GLIS3: variants seen among roughly 807,000 people sequenced by gnomAD.
GLIS3 encodes the protein GLIS family zinc finger 3, also known as zinc finger protein GLIS3.
Under a neutral mutation model 78.6 loss-of-function variants are expected in GLIS3, and 53 were observed. The observed-to-expected ratio is 0.67, with a 90% CI of 0.54 to 0.85. GLIS3 has a LOEUF of 0.85. GLIS3 is among the 40% of genes least tolerant of loss of function. GLIS3 has a pLI of 0.00. For synonymous variants in GLIS3, 684 were observed against 509.9 expected (o/e 1.34, Z -4.60); for missense variants, 1,703 against 1,231.1 (o/e 1.38, Z -5.74).
the GLIS3 span, among the ~76,000 whole-genome samples, chr9:4,414,049 A>T: frequency 6.6e-6 from 1 of 152,202 alleles, no homozygotes; most frequent in East Asian, 1.9e-4. Context: ...TTCTCGGGAA[A>T]ACACTAAAGA....
At chr9:4,286,975 A>C (rs1432314431) in intron 1 of GLIS3, among the ~76,000 whole-genome samples, 1 of 152,230 alleles carries the variant, frequency 6.6e-6, no homozygotes, top group Non-Finnish European at 1.5e-5. Context: ...AAATGAGACT[A>C]TGGGGACACT....
intron 2 of GLIS3, among the ~76,000 whole-genome samples, chr9:4,143,349 C>A (rs1230823383): frequency 6.6e-6 from 1 of 151,776 alleles, no homozygotes; most frequent in African/African-American, 2.4e-5. Flanking sequence ...GGCAGATCAC[C>A]CGAGGTCAGG....
intron 4 of GLIS3, among the ~76,000 whole-genome samples, chr9:4,013,541 T>C (rs1464187574): frequency 1.3e-5 from 2 of 152,222 alleles, no homozygotes; most frequent in Non-Finnish European, 2.9e-5. Flanking sequence ...TATACATTTA[T>C]AGCCTGCATA....
chr9:4,175,159 C>T (rs1242272805), intron 2 of GLIS3, among the ~76,000 whole-genome samples: 1 of 152,200 alleles, frequency 6.6e-6, no homozygotes, highest in Admixed American at 6.6e-5. Flanking sequence ...TTCTCCCTTG[C>T]TAACTGGACC....
At chr9:4,343,966 C>T (rs550293830) in intron 2 of GLIS3, among the ~76,000 whole-genome samples, 3 of 152,290 alleles carry the variant, frequency 2.0e-5, no homozygotes, top group South Asian at 2.1e-4. Context: ...CTATTAGGTA[C>T]TGTGCTTATT....
At chr9:4,241,907 C>A (rs1823356313) in intron 2 of GLIS3, among the ~76,000 whole-genome samples, 2 of 152,168 alleles carry the variant, frequency 1.3e-5, no homozygotes, top group Admixed American at 6.5e-5. Context: ...TGTTCTCAAG[C>A]TCCTGGCCTC....
the GLIS3 span, among the ~76,000 whole-genome samples, chr9:4,431,055 T>C: frequency 6.6e-6 from 1 of 152,178 alleles, no homozygotes; most frequent in Non-Finnish European, 1.5e-5. Context: ...CCCAACCAAG[T>C]ATATGGATCA....
the GLIS3 span, among the ~76,000 whole-genome samples, chr9:4,475,919 A>AT: frequency 3.3e-5 from 5 of 151,956 alleles, no homozygotes; most frequent in Non-Finnish European, 1.5e-5. Flanking sequence ...TGTCTGTTTT[A>AT]TTTTTTTGAA....
At chr9:4,116,886 T>C (rs1831686408) in intron 4 of GLIS3, among the ~76,000 whole-genome samples, 1 of 152,238 alleles carries the variant, frequency 6.6e-6, no homozygotes, top group Non-Finnish European at 1.5e-5. Flanking sequence ...GTGAGCTGTC[T>C]GAGATTGTGC....
intron 3 of GLIS3, among the ~76,000 whole-genome samples, chr9:4,123,300 G>A (rs940169218): frequency 3.3e-5 from 5 of 152,032 alleles, no homozygotes; most frequent in African/African-American, 1.2e-4. Flanking sequence ...TAGAAAACAG[G>A]CACTCTCTTG....
chr9:4,319,402 C>G (rs557672208), intron 2 of GLIS3, among the ~76,000 whole-genome samples: 1 of 152,288 alleles, frequency 6.6e-6, no homozygotes, highest in South Asian at 2.1e-4. Flanking sequence ...GGTGAAGGTA[C>G]ATGGAAGCTC....
intron 4 of GLIS3, among the ~76,000 whole-genome samples, chr9:3,967,140 A>G (rs1047238317): frequency 6.6e-6 from 1 of 151,664 alleles, no homozygotes; most frequent in Non-Finnish European, 1.5e-5. Context: ...TCTATCTGCC[A>G]TACACCTGGC....
chr9:4,298,936 C>T (rs183597094), intron 1 of GLIS3, among the ~76,000 whole-genome samples: 52 of 152,308 alleles, frequency 3.4e-4, no homozygotes, highest in African/African-American at 1.2e-3. Context: ...AAGACAACTA[C>T]AGCCCCGCGT....
At chr9:3,874,737 C>T (rs536456240) in intron 8 of GLIS3, among the ~76,000 whole-genome samples, 4 of 152,322 alleles carry the variant, frequency 2.6e-5, no homozygotes, top group South Asian at 4.1e-4. Context: ...GGAAAACCCC[C>T]ACACAGTTGG....
At chr9:4,037,840 A>T (rs17703916) in intron 4 of GLIS3, among the ~76,000 whole-genome samples, 4,045 of 152,216 alleles carry the variant, frequency 0.027, 101 homozygotes, top group Non-Finnish European at 0.036. Context: ...CATTTTATTT[A>T]ATGAACTATT....
At chr9:4,382,359 T>TA in the GLIS3 span, among the ~76,000 whole-genome samples, 3 of 151,854 alleles carry the variant, frequency 2.0e-5, no homozygotes, top group Non-Finnish European at 4.4e-5. Flanking sequence ...GTGTAGGGAA[T>TA]AAAATGCCTT....
intron 4 of GLIS3, among the ~76,000 whole-genome samples, chr9:3,964,170 G>T (rs191942300): frequency 2.6e-5 from 4 of 151,814 alleles, no homozygotes; most frequent in East Asian, 3.9e-4. Flanking sequence ...CAGATTGATG[G>T]GACTAATTTA....
At position 3,824,381 on chromosome 9, in the gene GLIS3, A is replaced by G. The variant is rs1365891139; in HGVS notation, c.*3891T>C. On this transcript the variant is annotated 3_prime_UTR_variant, in exon 11 of 11. Coordinates refer to ENST00000381971, the MANE Select transcript of GLIS3 (RefSeq NM_001042413.2). Reference sequence around the variant, plus strand: ...TCCCAGTATGTAAGAGGCTGATGGTAAAACAAAACAAAAAAACAAACAAAC... The same window carrying G: ...TCCCAGTATGTAAGAGGCTGATGGTGAAACAAAACAAAAAAACAAACAAAC... The G allele has an allele frequency of 3.9e-5, 6 of 152,616 alleles. No individual in the cohort carries two copies. The highest frequency in any genetic ancestry group is 8.8e-5 in the Non-Finnish European group (6 of 68,024). The allele number at this position is 152,616 out of a possible 1,614,324, so 9.5% of individuals were successfully genotyped here.
intron 10 of GLIS3, among the ~76,000 whole-genome samples, chr9:3,828,980 T>A (rs1483683951): frequency 6.6e-6 from 1 of 152,190 alleles, no homozygotes; most frequent in Non-Finnish European, 1.5e-5. Flanking sequence ...AAAAGAGGCA[T>A]ATTTTATCCT....
Sources: gnomAD v4.1 joint callset for allele counts (sites outside exome capture counted in the v4.1 genomes callset) on GRCh38, gnomAD v4.1.1 for gene constraint, MANE v1.5 for transcripts, NCBI Gene and HGNC (gene_info 2026-07-23, HGNC 2026-07-21) for gene names.